The following DYNC2H1 variants were observed in gnomAD, a reference collection of about 807,000 sequenced individuals.
DYNC2H1 encodes the protein cytoplasmic dynein 2 heavy chain 1.
In DYNC2H1, 410 loss-of-function variants were observed where a neutral mutation model predicts 570.0. The ratio of observed to expected loss-of-function variants is 0.72; its 90% CI spans 0.66 to 0.78. The LOEUF (loss-of-function observed/expected upper bound fraction) is 0.78, where lower values mean the gene tolerates loss of function less well. Ranked by LOEUF, DYNC2H1 falls within the 30% of genes least tolerant of loss-of-function variation. The probability of loss-of-function intolerance (pLI) is 0.00; values close to 1 mark genes in which losing one functional copy is unlikely to be tolerated. For missense variants in DYNC2H1, 4,865 were observed against 5,046.4 expected, an observed-to-expected ratio of 0.96 and a Z score of 1.09; for synonymous variants, 1,688 against 1,677.6, an observed-to-expected ratio of 1.01 and a Z score of -0.15.
At chr11:103,142,219 C>T (rs973416051) in intron 17 of DYNC2H1, among the ~76,000 whole-genome samples, 1 of 152,252 alleles carries the variant, frequency 6.6e-6, no homozygotes, top group Non-Finnish European at 1.5e-5. Context: ...CACCCACTGT[C>T]CTGTGCCCAC....
intron 53 of DYNC2H1, among the ~76,000 whole-genome samples, chr11:103,210,259 C>T (rs1315424635): frequency 6.6e-6 from 1 of 151,928 alleles, no homozygotes; most frequent in Non-Finnish European, 1.5e-5. Flanking sequence ...GAGTCTTTGG[C>T]AAGCAACCTA....
chr11:103,419,104 A>T (rs1477598858), intron 84 of DYNC2H1, among the ~76,000 whole-genome samples: 6 of 150,982 alleles, frequency 4.0e-5, no homozygotes, highest in Non-Finnish European at 1.5e-5. Context: ...AATTCTGGCC[A>T]GCCCACAGCA....
chr11:103,349,914 C>T (rs538537437), intron 82 of DYNC2H1, among the ~76,000 whole-genome samples: 44 of 152,216 alleles, frequency 2.9e-4, no homozygotes, highest in African/African-American at 1.0e-3. Flanking sequence ...ATTTTAGAGA[C>T]ATGAGAAATA....
chr11:103,324,759 CTGTTT>C lies in DYNC2H1; in HGVS notation c.12039+771_12039+775del, dbSNP rs1413593356. 5.3e-5 allele frequency among the ~76,000 whole-genome samples: 8 copies of C among 152,250 alleles called. No individual in the cohort carries two copies. The highest frequency in any genetic ancestry group is 2.6e-4 in the Admixed American group (4 of 15,280). On this transcript the variant is annotated intron_variant, in intron 82 of 88. Coordinates refer to ENST00000375735, the MANE Select transcript of DYNC2H1 (RefSeq NM_001377.3). This position sits in a 1 kb window ranked among gnomAD's most constrained non-coding sequence, Gnocchi z 5.2. Reference sequence around the variant, plus strand: ...GGGATTTCTGGGTCAAATGGTAGTTCTGTTTTAAGTTCTTCGAGAAATCGCCAAAC... The same window carrying C: ...GGGATTTCTGGGTCAAATGGTAGTTCTAAGTTCTTCGAGAAATCGCCAAAC...
chr11:103,332,799 C>T (rs1398368088), intron 82 of DYNC2H1, among the ~76,000 whole-genome samples: 46 of 152,182 alleles, frequency 3.0e-4, no homozygotes, highest in Admixed American at 2.8e-3. Context: ...GTCAGGAGTT[C>T]GAGATCCCCC....
chr11:103,374,463 G>A (rs112480262), intron 83 of DYNC2H1, among the ~76,000 whole-genome samples: 2,133 of 152,282 alleles, frequency 0.014, 28 homozygotes, highest in Middle Eastern at 0.071. Context: ...ACCCAAGAAC[G>A]TGGAAAGCAA....
In DYNC2H1 at chr11:103,158,807, G is replaced by T; in HGVS notation, c.4258G>T (p.Glu1420Ter). The T allele has an allele frequency of 6.8e-7, 1 of 1,465,158 alleles. No homozygotes were observed. The highest frequency in any genetic ancestry group is 9.1e-7 in the Non-Finnish European group (1 of 1,093,860). 90.8% of individuals were successfully genotyped at this position (1,465,158 alleles called of 1,614,324 possible). Reference protein sequence around the residue: ...RCQKSLNEFLEEKRSAFPRFY... With the variant: ...RCQKSLNEFL ...TCAGAAATCATTAAATGAATTTTTG[G>T]AGGCATGTTTTTTAAGAAAAAAATA... The change falls in exon 27 of 89, where the codon GAG becomes TAG. Residue 1420 changes from glutamate to a stop codon, truncating the protein, a stop_gained and splice_region_variant. Transcript: ENST00000375735. LOFTEE classifies it high-confidence loss of function.
At position 103,252,065 on chromosome 11, in the gene DYNC2H1, T is replaced by C. The variant is rs1227249975; in HGVS notation, c.10043-1220T>C. 6.6e-6 allele frequency among the ~76,000 whole-genome samples: 1 copy of C among 152,016 alleles called. No homozygotes were observed. The highest frequency in any genetic ancestry group is 2.4e-5 in the African/African-American group (1 of 41,382). On this transcript the variant is annotated intron_variant, in intron 65 of 88. Coordinates refer to ENST00000375735, the MANE Select transcript of DYNC2H1 (RefSeq NM_001377.3). The surrounding 1 kb of genome is among the most constrained non-coding windows in gnomAD (Gnocchi z 4.6). ...TCAGCCTCCTGAGTATGTTGGACTA[T>C]AGGCACATACCATCATGCCCAGCTA...
rs1019653137 is a variant in DYNC2H1, at chr11:103,156,460, G to C, written c.3817G>C (p.Gly1273Arg). 38 of 1,613,584 alleles carry C rather than the reference G, an allele frequency of 2.4e-5. No individual in the cohort carries two copies. The highest frequency in any genetic ancestry group is 3.1e-5 in the Non-Finnish European group (37 of 1,179,722). ...ACGTGAACTTGATCTTTGGGGAGTT[G>C]GAGCAGTGTTTACATTAATTGATTA... ...ALRELDLWGV[G>R]AVFTLIDYED... is the part of the protein sequence containing the mutation. Residue 1273 changes from glycine (G) to arginine (R), a missense_variant, in exon 26 of 89, where the codon GGA becomes CGA. By Grantham distance (125) the Gly-to-Arg change is moderately radical (BLOSUM62 -2). Around this residue, in one of 5 missense-constraint regions of DYNC2H1, gnomAD observed 1,936 missense variants for 1,962.1 expected, o/e 0.99. Transcript: ENST00000375735.
intron 30 of DYNC2H1, among the ~76,000 whole-genome samples, chr11:103,165,378 C>T (rs2134941336): frequency 6.6e-6 from 1 of 152,332 alleles, no homozygotes; most frequent in Non-Finnish European, 1.5e-5. Flanking sequence ...ATCCACCCAC[C>T]TCAGCCTTCC....
intron 47 of DYNC2H1, among the ~76,000 whole-genome samples, chr11:103,194,076 T>C (rs1334386014): frequency 1.3e-5 from 2 of 152,210 alleles, no homozygotes; most frequent in Non-Finnish European, 2.9e-5. Flanking sequence ...ACAAATGTTA[T>C]AGCAGTTATA....
At position 103,319,353 on chromosome 11, in the gene DYNC2H1, A is replaced by T. The variant is rs1938040577; in HGVS notation, c.11726-1676A>T. Among the ~76,000 whole-genome samples the T allele has an allele frequency of 6.6e-6, 1 of 152,182 alleles. No individual in the cohort carries two copies. ...GAATTAAATGCCAAAAAAGAGAAAA[A>T]GGTCTAACTCTTGGGAACAATTGGT... On this transcript the variant is annotated intron_variant, in intron 80 of 88. Coordinates refer to ENST00000375735, the MANE Select transcript of DYNC2H1 (RefSeq NM_001377.3). The surrounding 1 kb of genome is among the most constrained non-coding windows in gnomAD (Gnocchi z 4.3).
chr11:103,152,006 A>G, intron 20 of DYNC2H1, 130 bp from the exon 21 acceptor site: 1 of 1,063,910 alleles, frequency 9.4e-7, no homozygotes, highest in Non-Finnish European at 1.3e-6. Context: ...GGAATTTAAC[A>G]AACTGTTTAA....
chr11:103,404,840 CAGG>C (rs1942792435), intron 84 of DYNC2H1: 2 of 151,830 alleles, frequency 1.3e-5, no homozygotes, highest in East Asian at 3.9e-4. Flanking sequence ...CAGAATATTG[CAGG>C]AGATCATTTG....
chr11:103,414,639 T>G (rs1171830296), intron 84 of DYNC2H1, among the ~76,000 whole-genome samples: 2 of 152,130 alleles, frequency 1.3e-5, no homozygotes, highest in African/African-American at 4.8e-5. Context: ...AACCCCATCA[T>G]CTCAGCCCAG....
At chr11:103,342,427 C>A (rs1939502052) in intron 82 of DYNC2H1, among the ~76,000 whole-genome samples, 1 of 152,080 alleles carries the variant, frequency 6.6e-6, no homozygotes, top group Non-Finnish European at 1.5e-5. Flanking sequence ...CTGCTCCAGT[C>A]CCCTTCCACA....
intron 83 of DYNC2H1, among the ~76,000 whole-genome samples, chr11:103,378,831 A>G (rs2135573568): frequency 6.6e-6 from 1 of 152,286 alleles, no homozygotes; most frequent in East Asian, 1.9e-4. Flanking sequence ...AGAAAATATT[A>G]CTCATTGGTC....
rs539827742 is a variant in DYNC2H1, at chr11:103,215,186, A to G, written c.8695-535A>G. Reference sequence around the variant, plus strand: ...TGATGTGGCTTGGACTTCTGGTACTATGTTGAATAGGAGTGGTGAAAGTGG... The same window carrying G: ...TGATGTGGCTTGGACTTCTGGTACTGTGTTGAATAGGAGTGGTGAAAGTGG... On this transcript the variant is annotated intron_variant, in intron 54 of 88. Transcript: ENST00000375735. 8.5e-5 allele frequency among the ~76,000 whole-genome samples: 13 copies of G among 152,158 alleles called. 1 individual carries two copies. The South Asian group carries it at 2.7e-3, about 32-fold the overall frequency.
chr11:103,393,777 C>G (rs1048936835), intron 83 of DYNC2H1, among the ~76,000 whole-genome samples: 2 of 152,150 alleles, frequency 1.3e-5, no homozygotes, highest in African/African-American at 4.8e-5. Flanking sequence ...ACTTATAGTT[C>G]CATATGGCTG....
Sources: allele counts gnomAD v4.1 joint callset (sites outside exome capture counted in the v4.1 genomes callset), GRCh38; gene constraint gnomAD v4.1.1; regional missense constraint gnomAD v4.1.1; non-coding constraint Gnocchi (gnomAD v3.1); transcripts MANE v1.5; gene names NCBI Gene and HGNC (gene_info 2026-07-23, HGNC 2026-07-21).